The following HSP90AA1 variants were observed in gnomAD, a reference collection of about 807,000 sequenced individuals.
The protein encoded by HSP90AA1 is heat shock protein 90 alpha family class A member 1, also known as heat shock protein HSP 90-alpha.
HSP90AA1 carries 18 observed loss-of-function variants against 73.3 expected under a neutral mutation model. The observed-to-expected ratio is 0.25, with a 90% confidence interval of 0.17 to 0.36. HSP90AA1 has a LOEUF of 0.36. Among genes scored for constraint, HSP90AA1 ranks in the 10% least tolerant of loss-of-function variants. The probability of loss-of-function intolerance (pLI) is 1.00; values close to 1 mark genes in which losing one functional copy is unlikely to be tolerated. For synonymous variants in HSP90AA1, 477 were observed against 296.9 expected, an observed-to-expected ratio of 1.61 and a Z score of -6.24; for missense variants, 704 against 874.2, an observed-to-expected ratio of 0.81 and a Z score of 2.45.
intron 2 of HSP90AA1, among the ~76,000 whole-genome samples, chr14:102,096,656 A>G (rs977203383): frequency 6.6e-6 from 1 of 152,216 alleles, no homozygotes; most frequent in Non-Finnish European, 1.5e-5. Flanking sequence ...AAGACGCAGC[A>G]CATGGCACAC....
At chr14:102,113,385 T>C (rs549622731) in intron 1 of HSP90AA1, among the ~76,000 whole-genome samples, 1 of 152,040 alleles carries the variant, frequency 6.6e-6, no homozygotes, top group East Asian at 1.9e-4. Context: ...TTATTTATTT[T>C]TGAGACAGAG....
chr14:102,090,482 C>T (rs1388874791), upstream of HSP90AA1, among the ~76,000 whole-genome samples: 1 of 149,186 alleles, frequency 6.7e-6, no homozygotes, highest in East Asian at 2.0e-4. Context: ...CGGAGTCTTG[C>T]TCTGTCGCCC....
At chr14:102,084,176 C>CT (rs1327503226) in intron 6 of HSP90AA1, 193 bp from the exon 7 acceptor site, 1 of 683,040 alleles carries the variant, frequency 1.5e-6, no homozygotes, top group Non-Finnish European at 2.5e-6. Context: ...GGGGTTCAAG[C>CT]TGTTTTCATG....
rs892364793 is a variant in HSP90AA1 at position 102,083,964 on chromosome 14, T to C, written c.1167A>G (p.Val389=). Residue 389 remains valine, a synonymous_variant, in exon 7 of 11, where the codon GTA becomes GTG. Transcript: ENST00000216281. ...TGTTTAGAGGGAGATCCTCCGAGTCTACCACCCCTCTAATGAAGTCTGAAA... is the reference window on the plus strand; with the variant it reads ...TGTTTAGAGGGAGATCCTCCGAGTCCACCACCCCTCTAATGAAGTCTGAAA... ...PEYLNFIRGV[V]DSEDLPLNIS... is the part of the protein sequence containing the mutation. 4 of 1,613,792 alleles carry C rather than the reference T, an allele frequency of 2.5e-6. No homozygotes were observed. Among genetic ancestry groups the C allele is most frequent in the Admixed American group, 1.7e-5 (1 of 60,008 alleles).
chr14:102,137,504 T>C (rs2050020160), intron 1 of HSP90AA1, among the ~76,000 whole-genome samples: 1 of 151,452 alleles, frequency 6.6e-6, no homozygotes, highest in Non-Finnish European at 1.5e-5. Context: ...TTTTGTACTT[T>C]TAGTAGAGAT....
At chr14:102,115,013 G>A (rs542302079) in intron 1 of HSP90AA1, among the ~76,000 whole-genome samples, 4 of 151,914 alleles carry the variant, frequency 2.6e-5, no homozygotes, top group Non-Finnish European at 4.4e-5. Flanking sequence ...GTGTAGTGGC[G>A]GGCGCCTGTA....
At chr14:102,083,732 T>TAAAAAAAAAAAAAAAAAAAAA in intron 7 of HSP90AA1, 39 bp from the exon 8 acceptor site, 1 of 1,400,550 alleles carries the variant, frequency 7.1e-7, no homozygotes. Flanking sequence ...CTTTCTGAAT[T>TAAAAAAAAAAAAAAAAAAAAA]AAAAAAAAAA....
chr14:102,084,220 T>C, intron 6 of HSP90AA1, 179 bp downstream of exon 6: 1 of 691,620 alleles, frequency 1.4e-6, no homozygotes, highest in East Asian at 2.7e-5. Flanking sequence ...CTAATTTTTG[T>C]AATTTAGTAG....
chr14:102,120,248 A>T (rs1351296372), intron 1 of HSP90AA1, among the ~76,000 whole-genome samples: 5 of 152,006 alleles, frequency 3.3e-5, no homozygotes, highest in East Asian at 3.9e-4. Context: ...AATTCCACCT[A>T]CTCAGGAGGC....
chr14:102,099,682 G>A (rs1453668562), intron 2 of HSP90AA1, among the ~76,000 whole-genome samples: 1 of 152,218 alleles, frequency 6.6e-6, no homozygotes, highest in Non-Finnish European at 1.5e-5. Context: ...GGCTGGTGAA[G>A]AACACTCTGC....
At position 102,136,935 on chromosome 14, in the gene HSP90AA1, C is replaced by T. The variant is rs1020955153; in HGVS notation, c.155+2315G>A. On this transcript the variant is annotated intron_variant, in intron 1 of 11. Coordinates refer to the HSP90AA1 transcript ENST00000334701. The stretch of plus-strand genomic sequence containing the variant: ...AAAAAAGAAATACCTGGTTTGAGGC[C>T]GGGCGCGGTGGCTCACGCCTGTAAT... Among the ~76,000 whole-genome samples the T allele has an allele frequency of 1.1e-4, 16 of 151,454 alleles. 1 individual carries two copies. The highest frequency in any genetic ancestry group is 3.6e-4 in the African/African-American group (15 of 41,180).
chr14:102,104,991 A>C (rs1198259741), intron 1 of HSP90AA1, among the ~76,000 whole-genome samples: 1 of 150,546 alleles, frequency 6.6e-6, no homozygotes, highest in Non-Finnish European at 1.5e-5. Context: ...GAGGTCAGGA[A>C]ATCGAGACCA....
intron 1 of HSP90AA1, among the ~76,000 whole-genome samples, chr14:102,115,497 C>A (rs955518165): frequency 1.3e-5 from 2 of 152,138 alleles, no homozygotes; most frequent in East Asian, 1.9e-4. Context: ...CCAAATTGTT[C>A]TCTGTTGCGC....
rs540412184 is a variant in HSP90AA1, at chr14:102,097,511, T to G, written c.366+4364A>C. ...CTCTCCCCTCCACTGCTGCTCCTGT[T>G]CTGGTCTTGGCCAATGCAAGAGCAG... On this transcript the variant is annotated intron_variant, in intron 2 of 11. Coordinates refer to the HSP90AA1 transcript ENST00000334701. 7.6e-4 allele frequency among the ~76,000 whole-genome samples: 115 copies of G among 152,262 alleles called. 1 individual carries two copies. The highest frequency in any genetic ancestry group is 2.7e-3 in the African/African-American group (111 of 41,568).
intron 1 of HSP90AA1, among the ~76,000 whole-genome samples, chr14:102,117,240 G>T (rs2049718737): frequency 6.6e-6 from 1 of 152,154 alleles, no homozygotes; most frequent in Non-Finnish European, 1.5e-5. Flanking sequence ...CCGGCTCCAG[G>T]GTGGAAAGGG....
At chr14:102,083,502 A>G (rs7155973) in intron 8 of HSP90AA1, 44 bp downstream of exon 8, 1,485,354 of 1,590,332 alleles carry the variant, frequency 0.93, 694,067 homozygotes, top group East Asian at 1. Context: ...AGCCTACAAG[A>G]TTGTAAGAAC....
intron 1 of HSP90AA1, among the ~76,000 whole-genome samples, chr14:102,109,850 T>C (rs2049615632): frequency 6.6e-6 from 1 of 152,190 alleles, no homozygotes; most frequent in South Asian, 2.1e-4. Flanking sequence ...AAAATGCCGA[T>C]GATGATATGG....
At chr14:102,139,146 A>T in intron 1 of HSP90AA1, 1 of 1,359,114 alleles carries the variant, frequency 7.4e-7, no homozygotes. Context: ...CGCAGGAATT[A>T]GGATATCTGG....
upstream of HSP90AA1, chr14:102,087,286 G>T: frequency 2.2e-6 from 1 of 459,168 alleles, no homozygotes; most frequent in Non-Finnish European, 2.9e-6. Context: ...CCTCTCGCAC[G>T]CCCCCGCGCC....
Sources: allele counts gnomAD v4.1 joint callset (sites outside exome capture counted in the v4.1 genomes callset), GRCh38; gene constraint gnomAD v4.1.1; transcripts MANE v1.5; gene names NCBI Gene and HGNC (gene_info 2026-07-23, HGNC 2026-07-21).